LRRN1: variants seen among roughly 807,000 people sequenced by gnomAD.
The protein encoded by LRRN1 is leucine-rich repeat neuronal protein 1.
Under a neutral mutation model 45.8 loss-of-function variants are expected in LRRN1, and 14 were observed. The ratio of observed to expected loss-of-function variants is 0.31; its 90% CI spans 0.20 to 0.48. LRRN1 has a LOEUF of 0.48. Ranked by LOEUF, LRRN1 falls within the 20% of genes least tolerant of loss-of-function variation. The pLI is 0.99. For synonymous variants in LRRN1, 359 were observed against 330.1 expected, an observed-to-expected ratio of 1.09 and a Z score of -0.95; for missense variants, 789 against 874.2, an observed-to-expected ratio of 0.90 and a Z score of 1.23.
Position 3,816,938 on chromosome 3 carries a change from G to T in LRRN1, c.-279+17019G>T, listed in dbSNP as rs1344775352. Among the ~76,000 whole-genome samples, 1 of 152,166 alleles carries T rather than the reference G, an allele frequency of 6.6e-6. No individual in the cohort carries two copies. Among genetic ancestry groups the T allele is most frequent in the Admixed American group, 6.5e-5 (1 of 15,270 alleles). ...TTAGTCATGATTTGCCAGAGAAAGAGAATGAATAGGATGGGTGATTGATTG... is the reference window on the plus strand; with the variant it reads ...TTAGTCATGATTTGCCAGAGAAAGATAATGAATAGGATGGGTGATTGATTG... On this transcript the variant is annotated intron_variant, in intron 1 of 1. Transcript: ENST00000319331. The surrounding 1 kb of genome is among the most constrained non-coding windows in gnomAD (Gnocchi z 4.0).
chr3:3,817,142 G>C (rs751402463), intron 1 of LRRN1, among the ~76,000 whole-genome samples: 21 of 152,088 alleles, frequency 1.4e-4, no homozygotes, highest in Non-Finnish European at 2.5e-4. Flanking sequence ...TTTGTATTCT[G>C]CTCCCCATCC....
At chr3:3,832,312 T>G in intron 1 of LRRN1, among the ~76,000 whole-genome samples, 1 of 152,194 alleles carries the variant, frequency 6.6e-6, no homozygotes, top group African/African-American at 2.4e-5. Flanking sequence ...CATAATAGCC[T>G]TCCAGTCAGG....
intron 1 of LRRN1, among the ~76,000 whole-genome samples, chr3:3,841,215 C>T (rs377130436): frequency 5.4e-5 from 8 of 147,344 alleles, no homozygotes; most frequent in East Asian, 2.1e-4. Context: ...TGCTTAAACC[C>T]GGGAGGCAGA....
chr3:3,814,753 C>A (rs771309704), intron 1 of LRRN1, among the ~76,000 whole-genome samples: 7 of 152,144 alleles, frequency 4.6e-5, no homozygotes, highest in African/African-American at 1.7e-4. Context: ...GTCTTTGCCC[C>A]CTTCTGCCAT....
intron 1 of LRRN1, among the ~76,000 whole-genome samples, 160 bp from the exon 2 acceptor site, chr3:3,844,204 G>A (rs1693705613): frequency 6.6e-6 from 1 of 152,142 alleles, no homozygotes; most frequent in African/African-American, 2.4e-5. Flanking sequence ...TAGTAAGAAT[G>A]TCCTACAATT....
At chr3:3,804,832 A>T (rs767778989) in intron 1 of LRRN1, among the ~76,000 whole-genome samples, 51 of 152,146 alleles carry the variant, frequency 3.4e-4, no homozygotes, top group Non-Finnish European at 6.6e-4. Context: ...TGTGGCAGAT[A>T]TTTTGTAGAA....
At chr3:3,828,478 T>C (rs1693280128) in intron 1 of LRRN1, among the ~76,000 whole-genome samples, 1 of 152,000 alleles carries the variant, frequency 6.6e-6, no homozygotes, top group Non-Finnish European at 1.5e-5. Flanking sequence ...GTAATCTCTT[T>C]TGGCAACACC....
chr3:3,818,765 A>G (rs1693038617), intron 1 of LRRN1, among the ~76,000 whole-genome samples: 1 of 152,158 alleles, frequency 6.6e-6, no homozygotes, highest in Non-Finnish European at 1.5e-5. Flanking sequence ...TAAAGATCAT[A>G]GAGCTTACCA....
At chr3:3,834,525 G>GATATATGTATATATATATATATATAT (rs1693446371) in intron 1 of LRRN1, among the ~76,000 whole-genome samples, 1 of 27,310 alleles carries the variant, frequency 3.7e-5, no homozygotes, top group Non-Finnish European at 9.9e-5. Flanking sequence ...GACAGAACAG[G>GATATATGTATATATATATATATATAT]ATATATATAT....
chr3:3,845,959 G>A lies in LRRN1; in HGVS notation c.1318G>A (p.Gly440Ser), dbSNP rs140579531. Residue 440 changes from glycine to serine, a missense_variant, in exon 2 of 2, where the codon GGC becomes AGC. Coordinates refer to ENST00000319331, the MANE Select transcript of LRRN1 (RefSeq NM_020873.7). The surrounding 1 kb of genome is among the most constrained non-coding windows in gnomAD (Gnocchi z 6.5). ...CCCAAATCGTTTAAACGTGGATATC[G>A]GCACGACGGTTTTCCTAGACTGTCG... ...SFPNRLNVDI[G>S]TTVFLDCRAM... 1.3e-4 allele frequency: 217 copies of A among 1,614,036 alleles called. No homozygotes were observed. The African/African-American group carries it at 2.5e-3, about 18-fold the overall frequency.
intron 1 of LRRN1, among the ~76,000 whole-genome samples, chr3:3,828,420 C>T (rs147859316): frequency 6.6e-6 from 1 of 151,690 alleles, no homozygotes; most frequent in Non-Finnish European, 1.5e-5. Context: ...GTGATTAGAT[C>T]GTGCCCACCA....
chr3:3,832,596 G>A (rs758233567), intron 1 of LRRN1, among the ~76,000 whole-genome samples: 4 of 152,110 alleles, frequency 2.6e-5, no homozygotes, highest in Non-Finnish European at 4.4e-5. Context: ...CAGTTACCCT[G>A]GTAAAATGCT....
Position 3,846,528 on chromosome 3 carries a change from T to C in LRRN1, c.1887T>C (p.Ser629=). ...TGGACATCTCTGATCAAGAAACCAGTACAGCCCTTGCTGCAGTAATGGGGT... is the reference window on the plus strand; with the variant it reads ...TGGACATCTCTGATCAAGAAACCAGCACAGCCCTTGCTGCAGTAATGGGGT... ...FAVDISDQET[S]TALAAVMGSM... Residue 629 remains serine, a synonymous_variant, in exon 2 of 2, where the codon AGT becomes AGC. Coordinates refer to ENST00000319331, the MANE Select transcript of LRRN1 (RefSeq NM_020873.7). This position sits in a 1 kb window ranked among gnomAD's most constrained non-coding sequence, Gnocchi z 5.7. The C allele has an allele frequency of 6.2e-7, 1 of 1,614,210 alleles. No homozygotes were observed. Among genetic ancestry groups the C allele is most frequent in the Non-Finnish European group, 8.5e-7 (1 of 1,180,036 alleles).
chr3:3,809,970 C>T (rs1024351114), intron 1 of LRRN1, among the ~76,000 whole-genome samples: 3 of 152,160 alleles, frequency 2.0e-5, no homozygotes, highest in Admixed American at 6.5e-5. Context: ...CAAGAAGACT[C>T]AGACTAGATA....
chr3:3,828,188 T>TAC (rs1345569780), intron 1 of LRRN1, among the ~76,000 whole-genome samples: 3 of 148,774 alleles, frequency 2.0e-5, no homozygotes, highest in Non-Finnish European at 4.4e-5. Flanking sequence ...ATGTGACTAT[T>TAC]ATATATATAA....
At position 3,846,139 on chromosome 3, in the gene LRRN1, G is replaced by A. The variant is rs931875896; in HGVS notation, c.1498G>A (p.Val500Ile). The A allele has an allele frequency of 6.2e-7, 1 of 1,614,082 alleles. No homozygotes were observed. The highest frequency in any genetic ancestry group is 1.3e-5 in the African/African-American group (1 of 75,036). ...TGAAGACTCAGGAAGATACACATGTGTTGCCCAGAATGTCCAAGGGGCAGA... is the reference window on the plus strand; with the variant it reads ...TGAAGACTCAGGAAGATACACATGTATTGCCCAGAATGTCCAAGGGGCAGA... Reference protein sequence around the residue: ...QIEDSGRYTCVAQNVQGADTR... With the variant: ...QIEDSGRYTCIAQNVQGADTR... Residue 500 changes from valine (V) to isoleucine (I), a missense_variant, in exon 2 of 2, where the codon GTT (valine) becomes ATT (isoleucine). Val to Ile is a conservative substitution (Grantham distance 29). Coordinates refer to ENST00000319331, the MANE Select transcript of LRRN1 (RefSeq NM_020873.7). This position sits in a 1 kb window ranked among gnomAD's most constrained non-coding sequence, Gnocchi z 5.7.
intron 1 of LRRN1, among the ~76,000 whole-genome samples, chr3:3,807,975 A>G (rs917155819): frequency 2.6e-5 from 4 of 152,196 alleles, no homozygotes; most frequent in African/African-American, 9.7e-5. Flanking sequence ...TGAAAAATGT[A>G]GGTCACTTCA....
At chr3:3,813,733 T>C (rs1390351344) in intron 1 of LRRN1, among the ~76,000 whole-genome samples, 2 of 151,878 alleles carry the variant, frequency 1.3e-5, no homozygotes, top group Non-Finnish European at 2.9e-5. Flanking sequence ...GAGGAAGAGG[T>C]GGTTTCCAGG....
At chr3:3,823,156 T>C (rs698201) in intron 1 of LRRN1, among the ~76,000 whole-genome samples, 150,355 of 152,248 alleles carry the variant, frequency 0.99, 74,272 homozygotes, top group Middle Eastern at 1. Flanking sequence ...TGCTCCCAGG[T>C]AGCCAGACTA....
Sources: allele counts gnomAD v4.1 joint callset (sites outside exome capture counted in the v4.1 genomes callset), GRCh38; gene constraint gnomAD v4.1.1; non-coding constraint Gnocchi (gnomAD v3.1); transcripts MANE v1.5; gene names NCBI Gene and HGNC (gene_info 2026-07-23, HGNC 2026-07-21).